The following PCCA variants were observed in gnomAD, a reference collection of about 807,000 sequenced individuals.
PCCA encodes propionyl-CoA carboxylase subunit alpha.
Under a neutral mutation model 101.3 loss-of-function variants are expected in PCCA, and 74 were observed. The ratio of observed to expected loss-of-function variants is 0.73; its 90% CI spans 0.61 to 0.89. The LOEUF (loss-of-function observed/expected upper bound fraction) is 0.89, where lower values mean the gene tolerates loss of function less well. Among genes scored for constraint, PCCA ranks in the 40% least tolerant of loss-of-function variants. The pLI, the probability that PCCA is intolerant of heterozygous loss-of-function variation, is 0.00. For synonymous variants in PCCA, 294 were observed against 313.6 expected (o/e 0.94, Z 0.66); for missense variants, 891 against 907.0 (o/e 0.98, Z 0.23).
At position 100,188,294 on chromosome 13, in the gene PCCA, A is replaced by AAAAC. The variant is rs368482531; in HGVS notation, c.469-21035_469-21034insCAAA. Among the ~76,000 whole-genome samples the AAAAC allele has an allele frequency of 3.0e-3, 443 of 146,966 alleles. 1 individual carries two copies. The highest frequency in any genetic ancestry group is 4.5e-3 in the Non-Finnish European group (300 of 66,684). On this transcript the variant is annotated intron_variant, in intron 6 of 23. Transcript: ENST00000376285. ...GCGACAGAGCAAGACTCTGTCTCAA[A>AAAAC]AAAACAAAACAAAACAAAACAAAAC... is the stretch of plus-strand genomic sequence containing the variant.
At chr13:100,427,452 C>T (rs2152896659) in intron 20 of PCCA, among the ~76,000 whole-genome samples, 1 of 152,236 alleles carries the variant, frequency 6.6e-6, no homozygotes, top group East Asian at 1.9e-4. Flanking sequence ...GTCTTGATGG[C>T]ACTTTTACAT....
Position 100,283,026 on chromosome 13 carries a change from T to C in PCCA, c.1065+9680T>C, listed in dbSNP as rs569184263. Among the ~76,000 whole-genome samples, 836 of 152,070 alleles carry C rather than the reference T, an allele frequency of 5.5e-3. 2 individuals are homozygous for C. Among genetic ancestry groups the C allele is most frequent in the Non-Finnish European group, 7.4e-3 (502 of 67,970 alleles). On this transcript the variant is annotated intron_variant, in intron 12 of 23. Transcript: ENST00000376285. ...GAATTTGGCCCAACCCGGGTACATG[T>C]CCCCTTCTCCCTCTCTGATTTAAAG...
At chr13:100,455,902 G>T (rs1246879100) in intron 21 of PCCA, among the ~76,000 whole-genome samples, 2 of 152,124 alleles carry the variant, frequency 1.3e-5, no homozygotes, top group Admixed American at 6.5e-5. Context: ...GTTTCACTGT[G>T]TTGGCCAGGC....
At chr13:100,247,575 A>G (rs2152541257) in intron 8 of PCCA, among the ~76,000 whole-genome samples, 1 of 139,188 alleles carries the variant, frequency 7.2e-6, no homozygotes, top group Non-Finnish European at 1.5e-5. Context: ...GTGCATTGGC[A>G]CAATCTGGGC....
chr13:100,404,840 T>C (rs2077578105), intron 19 of PCCA, among the ~76,000 whole-genome samples: 1 of 152,192 alleles, frequency 6.6e-6, no homozygotes, highest in African/African-American at 2.4e-5. Flanking sequence ...CCTTTATCCA[T>C]GAAACAGGAA....
At chr13:100,419,852 A>G (rs2078632517) in intron 19 of PCCA, among the ~76,000 whole-genome samples, 1 of 152,224 alleles carries the variant, frequency 6.6e-6, no homozygotes, top group African/African-American at 2.4e-5. Context: ...TGCTGAGAGT[A>G]GGGGGCAGGG....
intron 19 of PCCA, among the ~76,000 whole-genome samples, chr13:100,388,745 A>C (rs143742021): frequency 3.3e-5 from 5 of 152,332 alleles, no homozygotes; most frequent in Non-Finnish European, 1.5e-5. Context: ...CAGTGAGCCA[A>C]GATTGCAACA....
chr13:100,529,700 A>C (rs2088213137), intron 23 of PCCA, among the ~76,000 whole-genome samples: 1 of 152,138 alleles, frequency 6.6e-6, no homozygotes, highest in African/African-American at 2.4e-5. Flanking sequence ...GTATTCCATT[A>C]ATTCTCAGAG....
In PCCA at chr13:100,495,503, T is replaced by C. The variant is rs552065264; in HGVS notation, c.1900-19924T>C. Among the ~76,000 whole-genome samples the C allele has an allele frequency of 2.0e-5, 3 of 152,334 alleles. No individual in the cohort carries two copies. The South Asian group carries it at 6.2e-4, about 32-fold the overall frequency. Reference sequence around the variant, plus strand: ...GTGCAGAAAATTTTTTTTAAGTTTATAAAGCTTGTGAGAAAAATCCTTATT... The same window carrying C: ...GTGCAGAAAATTTTTTTTAAGTTTACAAAGCTTGTGAGAAAAATCCTTATT... On this transcript the variant is annotated intron_variant, in intron 21 of 23. Transcript: ENST00000376285.
At chr13:100,291,874 G>C (rs1231211642) in intron 12 of PCCA, among the ~76,000 whole-genome samples, 1 of 152,228 alleles carries the variant, frequency 6.6e-6, no homozygotes, top group Non-Finnish European at 1.5e-5. Context: ...TCTCCATGAT[G>C]TGTTCCTTTC....
intron 21 of PCCA, among the ~76,000 whole-genome samples, chr13:100,498,026 C>T (rs887835757): frequency 4.6e-5 from 7 of 152,122 alleles, no homozygotes; most frequent in Non-Finnish European, 7.4e-5. Context: ...TGTGCCACTA[C>T]ACCTGGCTAA....
chr13:100,324,455 T>C (rs752039300), intron 16 of PCCA, among the ~76,000 whole-genome samples: 6 of 152,162 alleles, frequency 3.9e-5, no homozygotes, highest in Admixed American at 3.9e-4. Context: ...TTGAAAAAGC[T>C]TTCAGACAAA....
chr13:100,521,253 C>G (rs1460032623), intron 22 of PCCA, among the ~76,000 whole-genome samples: 2 of 152,340 alleles, frequency 1.3e-5, no homozygotes, highest in East Asian at 3.9e-4. Context: ...GGGTGCTGCC[C>G]AGTTCTGGGG....
intron 2 of PCCA, among the ~76,000 whole-genome samples, chr13:100,109,609 A>G (rs2048120726): frequency 1.3e-5 from 2 of 152,354 alleles, no homozygotes; most frequent in Admixed American, 1.3e-4. Context: ...AGAGGGGTTT[A>G]CCATGACCAT....
intron 21 of PCCA, among the ~76,000 whole-genome samples, chr13:100,479,308 T>A (rs4772291): frequency 0.25 from 37,848 of 151,984 alleles, 4,862 homozygotes; most frequent in African/African-American, 0.27. Flanking sequence ...TCTGATGGGG[T>A]ACAAGTGTGC....
intron 12 of PCCA, among the ~76,000 whole-genome samples, chr13:100,288,665 T>C (rs915080604): frequency 6.6e-6 from 1 of 152,274 alleles, no homozygotes; most frequent in Non-Finnish European, 1.5e-5. Flanking sequence ...CAAGTGTATC[T>C]ACCATTATGG....
intron 18 of PCCA, among the ~76,000 whole-genome samples, chr13:100,352,565 A>G (rs780904252): frequency 6.6e-6 from 1 of 151,370 alleles, no homozygotes; most frequent in Non-Finnish European, 1.5e-5. Flanking sequence ...GGCTATATAT[A>G]TATTTTTAAA....
chr13:100,254,150 C>A (rs1277191791), intron 8 of PCCA, among the ~76,000 whole-genome samples: 1 of 151,974 alleles, frequency 6.6e-6, no homozygotes, highest in Non-Finnish European at 1.5e-5. Flanking sequence ...CAGACACTTA[C>A]GAAACCATCA....
rs540013578 is a variant in PCCA at position 100,122,769 on chromosome 13, A to G, written c.300+10708A>G. 6.6e-5 allele frequency among the ~76,000 whole-genome samples: 10 copies of G among 152,234 alleles called. No individual in the cohort carries two copies. The South Asian group carries it at 2.1e-3, about 32-fold the overall frequency. On this transcript the variant is annotated intron_variant, in intron 4 of 23. Coordinates refer to ENST00000376285, the MANE Select transcript of PCCA (RefSeq NM_000282.4). ...TCTGGGTGGCTTATAAACAACAGGAATTTATTTCTCATAGTTCTGGAGGCT... is the reference window on the plus strand; with the variant it reads ...TCTGGGTGGCTTATAAACAACAGGAGTTTATTTCTCATAGTTCTGGAGGCT...
Sources: allele counts gnomAD v4.1 joint callset (sites outside exome capture counted in the v4.1 genomes callset), GRCh38; gene constraint gnomAD v4.1.1; transcripts MANE v1.5; gene names NCBI Gene and HGNC (gene_info 2026-07-23, HGNC 2026-07-21).